LUZP2: variants seen among roughly 807,000 people sequenced by gnomAD.
The protein encoded by LUZP2 is leucine zipper protein 2.
LUZP2 carries 52 observed loss-of-function variants against 51.6 expected under a neutral mutation model. The ratio of observed to expected loss-of-function variants is 1.01; its 90% CI spans 0.81 to 1.27. The LOEUF (loss-of-function observed/expected upper bound fraction) is 1.27. LUZP2 is among the 50% of genes most tolerant of loss of function. The pLI, the probability that LUZP2 is intolerant of heterozygous loss-of-function variation, is 0.00. For missense variants in LUZP2, 436 were observed against 395.4 expected, an observed-to-expected ratio of 1.10 and a Z score of -0.87; for synonymous variants, 154 against 137.3, an observed-to-expected ratio of 1.12 and a Z score of -0.85.
chr11:24,790,969 T>A (rs1036329054), intron 5 of LUZP2, among the ~76,000 whole-genome samples: 1 of 152,204 alleles, frequency 6.6e-6, no homozygotes, highest in Non-Finnish European at 1.5e-5. Flanking sequence ...AATGTATACT[T>A]TTCCTATGTG....
intron 1 of LUZP2, among the ~76,000 whole-genome samples, chr11:24,705,665 T>C (rs893878550): frequency 6.6e-6 from 1 of 152,176 alleles, no homozygotes; most frequent in Non-Finnish European, 1.5e-5. Flanking sequence ...ATTACCATAT[T>C]GCAAATGACC....
At chr11:25,076,661 G>T (rs898534123) in intron 10 of LUZP2, among the ~76,000 whole-genome samples, 13 of 148,218 alleles carry the variant, frequency 8.8e-5, no homozygotes, top group Non-Finnish European at 4.5e-5. Flanking sequence ...AAGGGAGGGA[G>T]GGAAGGAGGG....
At chr11:24,619,042 T>C (rs1854399547) in intron 1 of LUZP2, among the ~76,000 whole-genome samples, 1 of 143,972 alleles carries the variant, frequency 6.9e-6, no homozygotes. Flanking sequence ...ATTTATTTAT[T>C]TATTTGAGAT....
At chr11:25,003,307 A>C (rs1347734804) in intron 9 of LUZP2, among the ~76,000 whole-genome samples, 1 of 152,222 alleles carries the variant, frequency 6.6e-6, no homozygotes, top group Non-Finnish European at 1.5e-5. Flanking sequence ...AAGATGGTCC[A>C]CGTAAGTTGG....
intron 5 of LUZP2, among the ~76,000 whole-genome samples, chr11:24,868,654 A>C (rs1478334744): frequency 6.6e-6 from 1 of 152,196 alleles, no homozygotes; most frequent in African/African-American, 2.4e-5. Context: ...GGAATACTAA[A>C]GATGTTGTGA....
chr11:24,930,933 G>A, intron 7 of LUZP2, among the ~76,000 whole-genome samples: 1 of 152,022 alleles, frequency 6.6e-6, no homozygotes, highest in Non-Finnish European at 1.5e-5. Flanking sequence ...AAAATTCATG[G>A]CTGGGCACAG....
At chr11:24,840,539 A>C (rs1157988978) in intron 5 of LUZP2, among the ~76,000 whole-genome samples, 1 of 151,932 alleles carries the variant, frequency 6.6e-6, no homozygotes, top group Non-Finnish European at 1.5e-5. Flanking sequence ...ACCAAAGAAT[A>C]ATCTATGAAG....
At chr11:24,526,322 A>G (rs980446535) in intron 1 of LUZP2, among the ~76,000 whole-genome samples, 2 of 151,060 alleles carry the variant, frequency 1.3e-5, no homozygotes, top group African/African-American at 4.8e-5. Flanking sequence ...AAGCATATCT[A>G]ACTAAAACCT....
At chr11:24,756,273 G>A (rs1042734459) in intron 4 of LUZP2, among the ~76,000 whole-genome samples, 1 of 152,208 alleles carries the variant, frequency 6.6e-6, no homozygotes, top group Admixed American at 6.5e-5. Context: ...ATAAAAGCAA[G>A]CTGTAACCTA....
rs76978406 is a variant in LUZP2, at chr11:25,016,613, C to T, written c.765+33320C>T. 8.4e-3 allele frequency among the ~76,000 whole-genome samples: 1,192 copies of T among 141,878 alleles called. 35 individuals carry two copies. In the East Asian group the frequency reaches 0.13, roughly 16 times the overall value. The allele number at this position is 141,878 out of a possible 152,430, so 93.1% of individuals were successfully genotyped here. On this transcript the variant is annotated intron_variant, in intron 9 of 11. Coordinates refer to ENST00000336930, the MANE Select transcript of LUZP2 (RefSeq NM_001009909.4). ...GTATGTGTATATATATACAAACACA[C>T]GTGTTACATATGTGTGTGTTTGTGT...
chr11:24,729,139 G>C, intron 1 of LUZP2, 30 bp from the exon 2 acceptor site: 2 of 1,220,892 alleles, frequency 1.6e-6, no homozygotes, highest in Non-Finnish European at 2.2e-6. Context: ...ACCATTTGGG[G>C]GGCTCTCATG....
intron 9 of LUZP2, among the ~76,000 whole-genome samples, chr11:24,990,395 A>G (rs1467771829): frequency 1.3e-5 from 2 of 152,044 alleles, no homozygotes; most frequent in East Asian, 3.8e-4. Context: ...GTTTTTCAGC[A>G]AAGGTTAATT....
intron 1 of LUZP2, among the ~76,000 whole-genome samples, chr11:24,700,692 T>C (rs1424996258): frequency 3.3e-5 from 5 of 152,130 alleles, no homozygotes; most frequent in African/African-American, 1.2e-4. Context: ...TATTGGACTA[T>C]TGGATATTGA....
intron 7 of LUZP2, among the ~76,000 whole-genome samples, chr11:24,946,289 A>G (rs1854897134): frequency 2.0e-5 from 3 of 151,980 alleles, no homozygotes; most frequent in Admixed American, 6.6e-5. Context: ...TGTTTTATTC[A>G]GTCTGATAAC....
intron 1 of LUZP2, among the ~76,000 whole-genome samples, chr11:24,660,659 T>G (rs1182340938): frequency 1.3e-5 from 2 of 152,166 alleles, no homozygotes; most frequent in African/African-American, 4.8e-5. Flanking sequence ...AAAGACTTTG[T>G]GCAAACTGTC....
intron 1 of LUZP2, among the ~76,000 whole-genome samples, chr11:24,641,127 T>A (rs1855268350): frequency 6.6e-6 from 1 of 151,520 alleles, no homozygotes; most frequent in Non-Finnish European, 1.5e-5. Context: ...TTTGCCCAGG[T>A]TAGTCTCAAA....
chr11:24,998,265 T>C (rs1307595398), intron 9 of LUZP2, among the ~76,000 whole-genome samples: 2 of 152,216 alleles, frequency 1.3e-5, no homozygotes, highest in African/African-American at 4.8e-5. Flanking sequence ...TGGAATGTTC[T>C]TCCATTTGTT....
chr11:24,683,571 A>G (rs546349617), intron 1 of LUZP2, among the ~76,000 whole-genome samples: 1 of 152,366 alleles, frequency 6.6e-6, no homozygotes, highest in Non-Finnish European at 1.5e-5. Flanking sequence ...TCAGTCTTCA[A>G]AATTAGATGA....
chr11:24,851,178 C>T (rs1271367013), intron 5 of LUZP2, among the ~76,000 whole-genome samples: 5 of 152,176 alleles, frequency 3.3e-5, no homozygotes, highest in Non-Finnish European at 5.9e-5. Flanking sequence ...AGAGGGCATC[C>T]TTGTCTTGTG....
Sources: gnomAD v4.1 joint callset for allele counts (sites outside exome capture counted in the v4.1 genomes callset) on GRCh38, gnomAD v4.1.1 for gene constraint, MANE v1.5 for transcripts, NCBI Gene and HGNC (gene_info 2026-07-23, HGNC 2026-07-21) for gene names.